Variants in RFC3 observed in about 807,000 individuals in gnomAD.
RFC3 encodes the protein A1 38 kDa subunit.
A neutral mutation model predicts 45.1 loss-of-function variants in RFC3; 41 were observed. The observed-to-expected ratio is 0.91, with a 90% CI of 0.71 to 1.18. The LOEUF (loss-of-function observed/expected upper bound fraction) is 1.18, where lower values mean the gene tolerates loss of function less well. RFC3 is among the 50% of genes most tolerant of loss of function. The pLI, the probability that RFC3 is intolerant of heterozygous loss-of-function variation, is 0.00. For missense variants in RFC3, 423 were observed against 428.1 expected (o/e 0.99, Z 0.10); for synonymous variants, 149 against 144.0 (o/e 1.03, Z -0.25).
intron 8 of RFC3, among the ~76,000 whole-genome samples, chr13:33,912,718 G>A (rs2082710499): frequency 6.6e-6 from 1 of 152,124 alleles, no homozygotes; most frequent in Admixed American, 6.6e-5. Context: ...GGATCATACA[G>A]TATTTATGCA....
chr13:33,920,041 C>T (rs1385664833), intron 8 of RFC3, among the ~76,000 whole-genome samples: 1 of 152,146 alleles, frequency 6.6e-6, no homozygotes, highest in Non-Finnish European at 1.5e-5. Flanking sequence ...CTGCCTAAGT[C>T]TCCCTAATCA....
chr13:33,823,180 G>C (rs2082018743), intron 2 of RFC3, among the ~76,000 whole-genome samples: 1 of 151,952 alleles, frequency 6.6e-6, no homozygotes. Flanking sequence ...TGTTGCCAGT[G>C]GAAAAGTGAA....
At chr13:33,917,341 C>T (rs974391374) in intron 8 of RFC3, among the ~76,000 whole-genome samples, 1 of 152,010 alleles carries the variant, frequency 6.6e-6, no homozygotes, top group Non-Finnish European at 1.5e-5. Context: ...AAAGATAATC[C>T]GAGGCATGGA....
chr13:33,845,117 G>C (rs947408986), intron 8 of RFC3, among the ~76,000 whole-genome samples: 2 of 152,146 alleles, frequency 1.3e-5, no homozygotes, highest in African/African-American at 4.8e-5. Context: ...TTTCCTGCCT[G>C]TAAGATTTCC....
intron 8 of RFC3, among the ~76,000 whole-genome samples, chr13:33,912,574 A>G (rs1386836868): frequency 6.6e-6 from 1 of 152,084 alleles, no homozygotes; most frequent in Non-Finnish European, 1.5e-5. Context: ...GAGGAATCAG[A>G]AGAGAGGCAG....
At chr13:33,885,375 G>A (rs1392002500) in intron 8 of RFC3, among the ~76,000 whole-genome samples, 3 of 151,848 alleles carry the variant, frequency 2.0e-5, no homozygotes, top group Non-Finnish European at 2.9e-5. Context: ...GTACAAGTAC[G>A]GTTTTGTTAC....
At chr13:33,902,726 A>G (rs1022516793) in intron 8 of RFC3, among the ~76,000 whole-genome samples, 3 of 151,888 alleles carry the variant, frequency 2.0e-5, no homozygotes, top group South Asian at 2.1e-4. Flanking sequence ...TAGCCCCTCT[A>G]TGTCTACTTT....
chr13:33,976,110 C>CT, the RFC3 span, among the ~76,000 whole-genome samples: 1 of 152,026 alleles, frequency 6.6e-6, no homozygotes, highest in Non-Finnish European at 1.5e-5. Context: ...TACCAAAGAA[C>CT]GTAGGAAGTA....
chr13:33,819,332 T>C (rs543134659), intron 1 of RFC3, among the ~76,000 whole-genome samples: 1 of 152,358 alleles, frequency 6.6e-6, no homozygotes, highest in East Asian at 1.9e-4. Context: ...GAAGGATCTT[T>C]AGGAGAATAA....
intron 8 of RFC3, among the ~76,000 whole-genome samples, chr13:33,925,656 G>T (rs1054059242): frequency 6.7e-6 from 1 of 149,266 alleles, no homozygotes; most frequent in African/African-American, 2.5e-5. Flanking sequence ...ATAGTGAAAT[G>T]ATTACCACAA....
intron 8 of RFC3, among the ~76,000 whole-genome samples, chr13:33,854,594 A>T (rs968341546): frequency 6.6e-6 from 1 of 152,312 alleles, no homozygotes; most frequent in Middle Eastern, 3.4e-3. Context: ...AAGTAGTTCC[A>T]TAGCTACAGA....
intron 8 of RFC3, among the ~76,000 whole-genome samples, chr13:33,865,841 G>T (rs1289489800): frequency 6.6e-6 from 1 of 151,990 alleles, no homozygotes; most frequent in Non-Finnish European, 1.5e-5. Flanking sequence ...ATCACCTGAG[G>T]TCGGGAGTTC....
chr13:33,835,155 G>T lies in RFC3; in HGVS notation c.817G>T (p.Glu273Ter). The T allele has an allele frequency of 6.2e-7, 1 of 1,603,850 alleles. No individual in the cohort carries two copies. Among genetic ancestry groups the T allele is most frequent in the Non-Finnish European group, 8.5e-7 (1 of 1,172,578 alleles). Reference protein sequence around the residue: ...VSQQTPQRLLEVRGRLYELLT... With the variant: ...VSQQTPQRLL ...TTATTTTGTTTTATGTAGGCTCCTT[G>T]AAGTTCGTGGAAGGCTGTATGAGCT... is the stretch of plus-strand genomic sequence containing the variant. The change falls in exon 8 of 9, where the codon GAA (glutamate) becomes TAA (stop). Residue 273 changes from glutamate (E) to a stop codon, truncating the protein, a stop_gained. Coordinates refer to ENST00000380071, the MANE Select transcript of RFC3 (RefSeq NM_002915.4). LOFTEE classifies it high-confidence loss of function.
chr13:33,935,722 C>G (rs1471276061), intron 8 of RFC3, among the ~76,000 whole-genome samples: 1 of 152,156 alleles, frequency 6.6e-6, no homozygotes, highest in South Asian at 2.1e-4. Flanking sequence ...CATCCTGTCA[C>G]TCATGAGCAT....
chr13:33,821,337 T>TC (rs2082002431), intron 2 of RFC3, 68 bp downstream of exon 2: 2 of 1,446,358 alleles, frequency 1.4e-6, no homozygotes, highest in Non-Finnish European at 1.9e-6. Flanking sequence ...GTCATGTATG[T>TC]CCCCCCAACT....
chr13:33,881,979 T>C (rs1010945755), intron 8 of RFC3, among the ~76,000 whole-genome samples: 1 of 151,852 alleles, frequency 6.6e-6, no homozygotes, highest in Admixed American at 6.6e-5. Flanking sequence ...GGCTTGAGGG[T>C]TTTTAAAAAT....
intron 8 of RFC3, among the ~76,000 whole-genome samples, chr13:33,879,782 TC>T (rs2082470800): frequency 1.3e-5 from 2 of 152,186 alleles, no homozygotes; most frequent in African/African-American, 4.8e-5. Flanking sequence ...AGTGTAGAAG[TC>T]CGCGCTGATT....
intron 8 of RFC3, among the ~76,000 whole-genome samples, chr13:33,934,884 C>T (rs1398422311): frequency 6.6e-6 from 1 of 152,118 alleles, no homozygotes; most frequent in Non-Finnish European, 1.5e-5. Context: ...GTCCTATATC[C>T]AGTGCTCTCA....
chr13:33,880,345 A>G (rs971988506), intron 8 of RFC3, among the ~76,000 whole-genome samples: 1 of 152,180 alleles, frequency 6.6e-6, no homozygotes, highest in African/African-American at 2.4e-5. Context: ...TTTTGGATGT[A>G]AGGTGCCCAT....
Sources: gnomAD v4.1 joint callset for allele counts (sites outside exome capture counted in the v4.1 genomes callset) on GRCh38, gnomAD v4.1.1 for gene constraint, MANE v1.5 for transcripts, NCBI Gene and HGNC (gene_info 2026-07-23, HGNC 2026-07-21) for gene names.